The following DOCK1 variants were observed in gnomAD, a reference collection of about 807,000 sequenced individuals.
DOCK1 encodes the protein dedicator of cytokinesis protein 1.
In DOCK1, 138 loss-of-function variants were observed where a neutral mutation model predicts 262.7. The ratio of observed to expected loss-of-function variants is 0.53; its 90% confidence interval spans 0.46 to 0.61. DOCK1 has a LOEUF of 0.61. Ranked by LOEUF, DOCK1 falls within the 20% of genes least tolerant of loss-of-function variation. The pLI is 0.00. For synonymous variants in DOCK1, 866 were observed against 867.4 expected, an observed-to-expected ratio of 1.00 and a Z score of 0.03; for missense variants, 1,908 against 2,370.7, an observed-to-expected ratio of 0.80 and a Z score of 4.05.
intron 29 of DOCK1, among the ~76,000 whole-genome samples, chr10:127,318,538 C>G (rs2062383203): frequency 6.6e-6 from 1 of 152,230 alleles, no homozygotes; most frequent in African/African-American, 2.4e-5. Context: ...GTTCATCCTA[C>G]AAGCATGTGT....
At chr10:127,042,830 A>G in intron 20 of DOCK1, 116 bp downstream of exon 20, 1 of 1,129,398 alleles carries the variant, frequency 8.9e-7, no homozygotes, top group Non-Finnish European at 1.3e-6. Context: ...TTTCAGTTGT[A>G]AATCCAATCA....
chr10:127,247,937 T>C (rs769774893), intron 27 of DOCK1, 71 bp from the exon 28 acceptor site: 42 of 1,463,340 alleles, frequency 2.9e-5, no homozygotes, highest in Non-Finnish European at 4.0e-5. Context: ...TCCCAGAATC[T>C]GGGATGATTT....
chr10:127,441,243 T>C (rs2070103964), intron 49 of DOCK1, among the ~76,000 whole-genome samples: 1 of 152,160 alleles, frequency 6.6e-6, no homozygotes. Context: ...GTCCCTGCCC[T>C]TGGTGGCCCA....
chr10:127,344,835 C>T (rs942264177), intron 31 of DOCK1, among the ~76,000 whole-genome samples: 1 of 152,068 alleles, frequency 6.6e-6, no homozygotes, highest in Non-Finnish European at 1.5e-5. Flanking sequence ...AATTGCCATG[C>T]ACTCCAGCCT....
intron 27 of DOCK1, among the ~76,000 whole-genome samples, chr10:127,128,649 T>A (rs1225809971): frequency 1.3e-5 from 2 of 152,192 alleles, no homozygotes; most frequent in African/African-American, 4.8e-5. Context: ...TGTTTGGTGT[T>A]CTGGTCCTGT....
At chr10:127,311,859 A>AT (rs1009114596) in intron 29 of DOCK1, among the ~76,000 whole-genome samples, 20 of 151,310 alleles carry the variant, frequency 1.3e-4, no homozygotes, top group Admixed American at 1.3e-3. Context: ...CCTGTTTTTT[A>AT]TTTTTTTTAT....
chr10:127,024,515 C>T (rs747143577), intron 14 of DOCK1, among the ~76,000 whole-genome samples, 170 bp from the exon 15 acceptor site: 10 of 152,148 alleles, frequency 6.6e-5, no homozygotes, highest in Non-Finnish European at 1.3e-4. Context: ...TGGAGCTGGC[C>T]GCTGGCTTCA....
chr10:127,306,456 G>T (rs193136713), intron 29 of DOCK1, among the ~76,000 whole-genome samples: 1 of 152,140 alleles, frequency 6.6e-6, no homozygotes, highest in Non-Finnish European at 1.5e-5. Flanking sequence ...TGGTGCTGTG[G>T]CCATGCCCTT....
chr10:127,144,441 G>A (rs539845118), intron 27 of DOCK1, among the ~76,000 whole-genome samples: 1 of 152,308 alleles, frequency 6.6e-6, no homozygotes, highest in East Asian at 1.9e-4. Context: ...GATGGACCAT[G>A]TTTAATTCAT....
intron 1 of DOCK1, among the ~76,000 whole-genome samples, chr10:126,950,470 C>T (rs2036114509): frequency 6.6e-6 from 1 of 152,040 alleles, no homozygotes; most frequent in Non-Finnish European, 1.5e-5. Flanking sequence ...ATTGTTATTT[C>T]ATCTTGTCTC....
At chr10:127,032,013 G>A (rs977237516) in intron 17 of DOCK1, 124 bp from the exon 18 acceptor site, 1 of 1,212,570 alleles carries the variant, frequency 8.2e-7, no homozygotes. Context: ...TTATTAAAAT[G>A]TGTATTTAAT....
intron 38 of DOCK1, among the ~76,000 whole-genome samples, chr10:127,389,076 T>G (rs889619031): frequency 6.6e-6 from 1 of 152,226 alleles, no homozygotes; most frequent in Admixed American, 6.5e-5. Context: ...AGTTTCCTTC[T>G]TCCGTTAAAG....
chr10:127,021,157 G>A (rs188592530), intron 13 of DOCK1, among the ~76,000 whole-genome samples: 1 of 152,130 alleles, frequency 6.6e-6, no homozygotes, highest in Non-Finnish European at 1.5e-5. Context: ...CTGGAGTAAC[G>A]CACTTGAGGT....
At chr10:126,987,475 G>C (rs1481774024) in intron 4 of DOCK1, 46 bp from the exon 5 acceptor site, 1 of 1,481,212 alleles carries the variant, frequency 6.8e-7, no homozygotes, top group South Asian at 1.2e-5. Flanking sequence ...CTCATAGCAG[G>C]CAGTGAAACC....
chr10:127,156,552 TCTTCTTCTTC>T (rs747083443), intron 27 of DOCK1, among the ~76,000 whole-genome samples: 28 of 95,980 alleles, frequency 2.9e-4, no homozygotes, highest in African/African-American at 1.0e-3. Context: ...TTCTTCTTCT[TCTTCTTCTTC>T]TTTTTTTTTT....
intron 23 of DOCK1, among the ~76,000 whole-genome samples, chr10:127,090,279 G>A (rs926598712): frequency 1.3e-5 from 2 of 152,272 alleles, no homozygotes; most frequent in Non-Finnish European, 2.9e-5. Flanking sequence ...TTTCAGGGCC[G>A]TGTTAACATA....
intron 47 of DOCK1, among the ~76,000 whole-genome samples, chr10:127,429,262 T>C (rs566437634): frequency 1.3e-5 from 2 of 152,058 alleles, no homozygotes; most frequent in Non-Finnish European, 2.9e-5. Context: ...CACCCTGAGA[T>C]ACTTTGTTCC....
chr10:127,243,426 G>A (rs746390261), intron 27 of DOCK1, among the ~76,000 whole-genome samples: 31 of 152,054 alleles, frequency 2.0e-4, no homozygotes, highest in Non-Finnish European at 4.3e-4. Context: ...TACCTGTGCT[G>A]TTTTCCTTCT....
chr10:127,354,709 G>A lies in DOCK1; in HGVS notation c.3265G>A (p.Asp1089Asn), dbSNP rs2064051917. Reference sequence around the variant, plus strand: ...GAGACAGATTGGCTTTGAAATCAGAGACATGTGGTACAACCTTGGTGAGTA... The same window carrying A: ...GAGACAGATTGGCTTTGAAATCAGAAACATGTGGTACAACCTTGGTGAGTA... ...MRRQIGFEIR[D>N]MWYNLGQHKI... The change falls in exon 32 of 52, where the codon GAC (aspartate) becomes AAC (asparagine). Residue 1089 changes from aspartate to asparagine, a missense_variant. Coordinates refer to ENST00000623213, the MANE Select transcript of DOCK1 (RefSeq NM_001290223.2). The A allele has an allele frequency of 6.2e-7, 1 of 1,613,938 alleles. No homozygotes were observed. The highest frequency in any genetic ancestry group is 8.5e-7 in the Non-Finnish European group (1 of 1,179,824).
Sources: gnomAD v4.1 joint callset for allele counts (sites outside exome capture counted in the v4.1 genomes callset) on GRCh38, gnomAD v4.1.1 for gene constraint, MANE v1.5 for transcripts, NCBI Gene and HGNC (gene_info 2026-07-23, HGNC 2026-07-21) for gene names.